Variants in TBCE observed in about 807,000 individuals in gnomAD.
The protein encoded by TBCE is tubulin-specific chaperone E.
TBCE carries 53 observed loss-of-function variants against 77.0 expected under a neutral mutation model. The ratio of observed to expected loss-of-function variants is 0.69; its 90% confidence interval spans 0.55 to 0.87. The LOEUF (loss-of-function observed/expected upper bound fraction) is 0.87, where lower values mean the gene tolerates loss of function less well. Among genes scored for constraint, TBCE ranks in the 40% least tolerant of loss-of-function variants. The pLI is 0.00. For missense variants in TBCE, 624 were observed against 622.4 expected, an observed-to-expected ratio of 1.00 and a Z score of -0.03; for synonymous variants, 235 against 241.3, an observed-to-expected ratio of 0.97 and a Z score of 0.24.
intron 1 of TBCE, among the ~76,000 whole-genome samples, chr1:235,373,208 C>T (rs1330953055): frequency 6.6e-6 from 1 of 151,876 alleles, no homozygotes; most frequent in Non-Finnish European, 1.5e-5. Flanking sequence ...AATTATATGT[C>T]TCAGTGGTAG....
intron 13 of TBCE, among the ~76,000 whole-genome samples, chr1:235,439,645 GC>G (rs1681708456): frequency 6.8e-6 from 1 of 147,168 alleles, no homozygotes; most frequent in African/African-American, 2.5e-5. Flanking sequence ...CCGCCACCAC[GC>G]CCGACTAATT....
At chr1:235,448,054 C>T (rs1020074035) in intron 15 of TBCE, among the ~76,000 whole-genome samples, 1 of 151,946 alleles carries the variant, frequency 6.6e-6, no homozygotes, top group African/African-American at 2.4e-5. Context: ...ACTAAAAATA[C>T]AAAAGTTAGC....
intron 7 of TBCE, among the ~76,000 whole-genome samples, chr1:235,432,105 T>G (rs778255297): frequency 6.6e-6 from 1 of 152,146 alleles, no homozygotes; most frequent in Non-Finnish European, 1.5e-5. Context: ...AGCCTCAGCC[T>G]CCAAAGTAGC....
In TBCE at chr1:235,441,800, G is replaced by A; in HGVS notation, c.1271-14G>A. The A allele has an allele frequency of 6.2e-7, 1 of 1,612,988 alleles. No individual in the cohort carries two copies. On this transcript the variant is annotated splice_polypyrimidine_tract_variant and intron_variant, in intron 13 of 16. Transcript: ENST00000642610. ...CTTTGGTTTATCATTCATCTCTTTT[G>A]CTTTCTTAAACAGAATATGGTGCAC...
At chr1:235,375,768 C>G (rs190158659) in intron 1 of TBCE, among the ~76,000 whole-genome samples, 1 of 151,974 alleles carries the variant, frequency 6.6e-6, no homozygotes, top group African/African-American at 2.4e-5. Flanking sequence ...TGAGGCTGGG[C>G]GCAGAGGTTC....
Position 235,450,158 on chromosome 1 carries a change from T to C in TBCE, c.*1396T>C, listed in dbSNP as rs749905929. 1 of 1,607,934 alleles carries C rather than the reference T, an allele frequency of 6.2e-7. No individual in the cohort carries two copies. Among genetic ancestry groups the C allele is most frequent in the Admixed American group, 1.7e-5 (1 of 60,008 alleles). ...GGGACTCCTCAGACTTGCACTCAGA[T>C]TATCGTTTGCCTGCCCTGATTTTAG... On this transcript the variant is annotated 3_prime_UTR_variant, in exon 17 of 17. Transcript: ENST00000642610.
intron 3 of TBCE, among the ~76,000 whole-genome samples, chr1:235,405,078 T>C (rs1170551110): frequency 6.6e-6 from 1 of 151,170 alleles, no homozygotes; most frequent in Non-Finnish European, 1.5e-5. Context: ...TTCTCCTGCC[T>C]CAGTCTTCCG....
In TBCE at chr1:235,372,870, G is replaced by A. The variant is rs1378504323; in HGVS notation, c.-32+5366G>A. ...ACCCGGGAGGCGGAGCTTGCAGTGA[G>A]CTGAGATTGCACCACTGCACTCCAG... On this transcript the variant is annotated intron_variant, in intron 1 of 16. Coordinates refer to ENST00000642610, the MANE Select transcript of TBCE (RefSeq NM_003193.5). Among the ~76,000 whole-genome samples the A allele has an allele frequency of 3.4e-5, 5 of 148,678 alleles. No homozygotes were observed. The East Asian group carries it at 7.8e-4, about 23-fold the overall frequency.
At position 235,448,549 on chromosome 1, in the gene TBCE, CTGTT is replaced by C. The variant is rs551940262; in HGVS notation, c.1492-114_1492-111del. On this transcript the variant is annotated intron_variant, in intron 16 of 16. Coordinates refer to ENST00000642610, the MANE Select transcript of TBCE (RefSeq NM_003193.5). ...TTGATTCTAAATGGAGACCATGGGT[CTGTT>C]TGTTTGATTTTAAGGGTAAGCTACT... is the stretch of plus-strand genomic sequence containing the variant. 11,066 of 1,387,174 alleles carry C rather than the reference CTGTT, an allele frequency of 8.0e-3. 65 individuals are homozygous for C. Among genetic ancestry groups the C allele is most frequent in the Middle Eastern group, 0.019 (104 of 5,548 alleles). The allele number at this position is 1,387,174 out of a possible 1,614,324, so 85.9% of individuals were successfully genotyped here. A position where few individuals can be genotyped will look rare whatever the true frequency, so the allele number is the denominator to read the frequency against.
intron 15 of TBCE, among the ~76,000 whole-genome samples, chr1:235,443,686 T>G (rs1682055372): frequency 6.6e-6 from 1 of 152,186 alleles, no homozygotes; most frequent in Admixed American, 6.5e-5. Flanking sequence ...GGTTTGTGAC[T>G]TTGCTTACAT....
intron 2 of TBCE, among the ~76,000 whole-genome samples, chr1:235,394,309 C>T (rs982901480): frequency 2.6e-5 from 4 of 151,600 alleles, no homozygotes; most frequent in East Asian, 1.9e-4. Context: ...CTCCTGACCT[C>T]GTGATCCACC....
intron 2 of TBCE, among the ~76,000 whole-genome samples, chr1:235,387,805 G>A (rs188967046): frequency 3.9e-5 from 6 of 152,222 alleles, no homozygotes; most frequent in Non-Finnish European, 7.4e-5. Flanking sequence ...CCCAAAAGAG[G>A]GTTCTTGGAT....
intron 3 of TBCE, among the ~76,000 whole-genome samples, chr1:235,410,648 T>C (rs12146001): frequency 0.041 from 6,280 of 152,310 alleles, 182 homozygotes; most frequent in Middle Eastern, 0.11. Context: ...CAGCCTTATT[T>C]TACCCAGCTC....
chr1:235,448,124 C>T (rs994474159), intron 15 of TBCE, among the ~76,000 whole-genome samples: 1 of 149,616 alleles, frequency 6.7e-6, no homozygotes, highest in Non-Finnish European at 1.5e-5. Context: ...TGTTTGAACC[C>T]GGGAAGCGGA....
chr1:235,433,002 C>A, intron 7 of TBCE: 2 of 1,511,324 alleles, frequency 1.3e-6, no homozygotes, highest in African/African-American at 2.8e-5. Context: ...AAGACGCCAG[C>A]AAGTTCGTGG....
intron 15 of TBCE, among the ~76,000 whole-genome samples, chr1:235,443,994 A>G (rs1232181468): frequency 1.3e-5 from 2 of 152,246 alleles, no homozygotes; most frequent in African/African-American, 4.8e-5. Context: ...ATGCTAAAAT[A>G]TAAATAATTT....
At chr1:235,436,885 G>A (rs897742036) in intron 11 of TBCE, among the ~76,000 whole-genome samples, 10 of 151,908 alleles carry the variant, frequency 6.6e-5, no homozygotes, top group Non-Finnish European at 1.5e-4. Context: ...TTGGGAGGTC[G>A]AGGCGGGCGG....
At chr1:235,417,204 T>A (rs1477641090) in intron 4 of TBCE, among the ~76,000 whole-genome samples, 2 of 152,246 alleles carry the variant, frequency 1.3e-5, no homozygotes, top group Non-Finnish European at 2.9e-5. Flanking sequence ...GAGTGATGCT[T>A]GGACTGAGAT....
intron 3 of TBCE, among the ~76,000 whole-genome samples, chr1:235,408,414 G>T (rs1017066945): frequency 2.0e-5 from 3 of 151,572 alleles, no homozygotes; most frequent in African/African-American, 7.3e-5. Context: ...CTCTTGGTGT[G>T]GTGTAAAGTG....
Sources: gnomAD v4.1 joint callset for allele counts (sites outside exome capture counted in the v4.1 genomes callset) on GRCh38, gnomAD v4.1.1 for gene constraint, MANE v1.5 for transcripts, NCBI Gene and HGNC (gene_info 2026-07-23, HGNC 2026-07-21) for gene names.